MIA2: variants seen among roughly 807,000 people sequenced by gnomAD.
MIA2 encodes the protein MIA SH3 domain ER export factor 2, also known as melanoma inhibitory activity protein 2.
Under a neutral mutation model 167.8 loss-of-function variants are expected in MIA2, and 127 were observed. The observed-to-expected ratio is 0.76, with a 90% CI of 0.66 to 0.88. The LOEUF (loss-of-function observed/expected upper bound fraction) is 0.88, where lower values mean the gene tolerates loss of function less well. MIA2 is among the 40% of genes least tolerant of loss of function. MIA2 has a pLI of 0.00. For synonymous variants in MIA2, 552 were observed against 541.9 expected, an observed-to-expected ratio of 1.02 and a Z score of -0.26; for missense variants, 1,690 against 1,624.7, an observed-to-expected ratio of 1.04 and a Z score of -0.69.
At chr14:39,305,703 A>C (rs780017721) in intron 17 of MIA2, among the ~76,000 whole-genome samples, 4 of 152,232 alleles carry the variant, frequency 2.6e-5, no homozygotes, top group African/African-American at 9.6e-5. Flanking sequence ...TGGGAGGCCA[A>C]CGTGGGTGGA....
intron 23 of MIA2, chr14:39,385,862 TGCCCCGTCCCCTA>T: frequency 1.0e-6 from 1 of 967,880 alleles, no homozygotes; most frequent in Non-Finnish European, 1.7e-6. Flanking sequence ...CTCCCCCGCA[TGCCCCGTCCCCTA>T]GCTCCCTTTC....
chr14:39,267,055 C>G (rs1171906375), intron 6 of MIA2: 2 of 1,056,964 alleles, frequency 1.9e-6, no homozygotes, highest in East Asian at 9.2e-5. Context: ...GCGCCGGCCC[C>G]TTTAAGAGCA....
Position 39,291,037 on chromosome 14 carries a change from G to C in MIA2, c.2149G>C (p.Glu717Gln). ...GTTTCAGTATGAAGGCTATGAAGTAGAGTCATCTTTAAAGGATGCCAGCTT... is the reference window on the plus strand; with the variant it reads ...GTTTCAGTATGAAGGCTATGAAGTACAGTCATCTTTAAAGGATGCCAGCTT... The part of the protein sequence containing the change: ...VQKEYEGYEV[E>Q]SSLKDASFEK... The change falls in exon 10 of 29, where the codon GAG (glutamate) becomes CAG (glutamine). Residue 717 changes from glutamate to glutamine, a missense_variant. Coordinates refer to ENST00000640607, the MANE Select transcript of MIA2 (RefSeq NM_001329214.4). 1 of 1,607,960 alleles carries C rather than the reference G, an allele frequency of 6.2e-7. No homozygotes were observed. The highest frequency in any genetic ancestry group is 2.2e-5 in the East Asian group (1 of 44,516).
In MIA2 at chr14:39,386,901, CG is replaced by C; in HGVS notation, c.2269del (p.Ala757GlnfsTer10). ...TCTCACCAGGCGCACGCTCTCCGCC[CG>C]GGGCAGGAGCCCCGGCTTCAGGTAG... On this transcript the variant is annotated frameshift_variant, in exon 24 of 24. Coordinates refer to the MIA2 transcript ENST00000341502. LOFTEE classifies it high-confidence loss of function. 1.3e-6 allele frequency: 1 copy of C among 795,512 alleles called. No homozygotes were observed. The allele number at this position is 795,512 out of a possible 1,614,324, so 49.3% of individuals were successfully genotyped here.
chr14:39,354,926 G>C (rs543509465), downstream of MIA2, among the ~76,000 whole-genome samples: 12 of 152,062 alleles, frequency 7.9e-5, no homozygotes, highest in Admixed American at 3.9e-4. Context: ...CTATATCTCT[G>C]TTTTGGTACC....
In MIA2 at chr14:39,233,956, C is replaced by T. The variant is rs546632003; in HGVS notation, c.-159C>T. The T allele has an allele frequency of 2.4e-5, 12 of 492,690 alleles. No individual in the cohort carries two copies. Among genetic ancestry groups the T allele is most frequent in the East Asian group, 1.7e-4 (5 of 29,742 alleles). The allele number at this position is 492,690 out of a possible 1,614,324, so 30.5% of individuals were successfully genotyped here. On this transcript the variant is annotated 5_prime_UTR_variant, in exon 1 of 29. Transcript: ENST00000640607. ...TGTCTCTCAAGTTAAACCAACAAGC[C>T]GATAGAAAAAGGTAGTTATCAAGAG...
At chr14:39,333,230 C>T (rs1482934225) in intron 25 of MIA2, among the ~76,000 whole-genome samples, 1 of 152,096 alleles carries the variant, frequency 6.6e-6, no homozygotes, top group Non-Finnish European at 1.5e-5. Context: ...GTATTGGATA[C>T]TAGACATTGT....
Position 39,359,990 on chromosome 14 carries a change from ATGT to A in MIA2, c.2248+11015_2248+11017del, listed in dbSNP as rs1396792431. ...CCTGTTTCTCCGGATCCTCTGCAGC[ATGT>A]TTTTTTTTTTTTTTTTTTGTCTTAT... On this transcript the variant is annotated intron_variant, in intron 23 of 23. Transcript: ENST00000341502. 6.0e-5 allele frequency among the ~76,000 whole-genome samples: 4 copies of A among 66,916 alleles called. No individual in the cohort carries two copies. The East Asian group carries it at 2.4e-3, about 41-fold the overall frequency. The allele number at this position is 66,916 out of a possible 152,430, so 43.9% of individuals were successfully genotyped here. A position where few individuals can be genotyped will look rare whatever the true frequency, so the allele number is the denominator to read the frequency against.
intron 6 of MIA2, among the ~76,000 whole-genome samples, chr14:39,264,534 C>T (rs1272599156): frequency 6.6e-6 from 1 of 151,980 alleles, no homozygotes; most frequent in African/African-American, 2.4e-5. Flanking sequence ...AATTGAGGAG[C>T]CTCTTTGAGT....
chr14:39,384,589 A>G lies in MIA2; in HGVS notation c.2249-2296A>G, dbSNP rs966605544. On this transcript the variant is annotated intron_variant, in intron 23 of 23. Coordinates refer to the MIA2 transcript ENST00000341502. ...TCTGATCTTTTGTTAGATGAAACCAATTTTCACAGTATATATTTGGCCATT... is the reference window on the plus strand; with the variant it reads ...TCTGATCTTTTGTTAGATGAAACCAGTTTTCACAGTATATATTTGGCCATT... Among the ~76,000 whole-genome samples the G allele has an allele frequency of 2.6e-5, 4 of 152,248 alleles. No individual in the cohort carries two copies. The South Asian group carries it at 6.2e-4, about 24-fold the overall frequency.
downstream of MIA2, among the ~76,000 whole-genome samples, chr14:39,352,430 T>C (rs1232346940): frequency 1.3e-5 from 2 of 152,136 alleles, no homozygotes; most frequent in Non-Finnish European, 2.9e-5. Flanking sequence ...AAAAAGGATA[T>C]ATGCAATATA....
downstream of MIA2, among the ~76,000 whole-genome samples, chr14:39,352,861 A>AT (rs1448590796): frequency 3.9e-5 from 6 of 152,224 alleles, no homozygotes; most frequent in South Asian, 4.2e-4. Flanking sequence ...TTGGATACTC[A>AT]TTTTTTATAT....
chr14:39,280,131 G>T (rs1331124929), intron 9 of MIA2, among the ~76,000 whole-genome samples: 1 of 152,074 alleles, frequency 6.6e-6, no homozygotes, highest in Non-Finnish European at 1.5e-5. Flanking sequence ...TCTTTTCTCT[G>T]TTGTTCTGTA....
chr14:39,281,048 G>A (rs906166259), intron 9 of MIA2, among the ~76,000 whole-genome samples: 1 of 150,368 alleles, frequency 6.7e-6, no homozygotes, highest in Non-Finnish European at 1.5e-5. Flanking sequence ...TCAGCCTCCT[G>A]AGTAGCTGGG....
chr14:39,291,256 A>T (rs1055233331), intron 10 of MIA2, 160 bp downstream of exon 10: 1 of 544,922 alleles, frequency 1.8e-6, no homozygotes, highest in Non-Finnish European at 3.0e-6. Flanking sequence ...AAATGGGACA[A>T]TAGGAGGTAG....
At chr14:39,272,691 A>G (rs2057358609) in intron 6 of MIA2, among the ~76,000 whole-genome samples, 1 of 152,070 alleles carries the variant, frequency 6.6e-6, no homozygotes, top group Non-Finnish European at 1.5e-5. Flanking sequence ...GAGCCTGGGG[A>G]GGGCAAGGCT....
chr14:39,235,226 G>A (rs2152590706), intron 1 of MIA2, among the ~76,000 whole-genome samples: 1 of 151,872 alleles, frequency 6.6e-6, no homozygotes, highest in Non-Finnish European at 1.5e-5. Flanking sequence ...AGTAGAGATG[G>A]GATTTCACTG....
chr14:39,248,853 C>T (rs1209499186), intron 4 of MIA2, among the ~76,000 whole-genome samples: 1 of 152,036 alleles, frequency 6.6e-6, no homozygotes, highest in African/African-American at 2.4e-5. Context: ...AATTCTCTCA[C>T]CTTAGCCTCC....
At chr14:39,353,075 A>G (rs986556664), downstream of MIA2, among the ~76,000 whole-genome samples, 1 of 152,060 alleles carries the variant, frequency 6.6e-6, no homozygotes, top group Admixed American at 6.6e-5. Context: ...TTGGCACATA[A>G]TATTTTACGT....
Sources: allele counts gnomAD v4.1 joint callset (sites outside exome capture counted in the v4.1 genomes callset), GRCh38; gene constraint gnomAD v4.1.1; transcripts MANE v1.5; gene names NCBI Gene and HGNC (gene_info 2026-07-23, HGNC 2026-07-21).